Variants in IL1RAPL1 observed in about 807,000 individuals in gnomAD.
IL1RAPL1 encodes interleukin 1 receptor accessory protein like 1.
Under a neutral mutation model 48.4 loss-of-function variants are expected in IL1RAPL1, and 3 were observed. The ratio of observed to expected loss-of-function variants is 0.06; its 90% confidence interval spans 0.03 to 0.16. The LOEUF is 0.16. IL1RAPL1 is among the 10% of genes least tolerant of loss of function. IL1RAPL1 has a pLI of 1.00. For synonymous variants in IL1RAPL1, 185 were observed against 187.7 expected (o/e 0.99, Z 0.12); for missense variants, 349 against 530.6 (o/e 0.66, Z 3.36).
At chrX:29,928,383 A>G (rs182963137) in intron 8 of IL1RAPL1, among the ~76,000 whole-genome samples, 1 of 110,194 alleles carries the variant, frequency 9.1e-6, no homozygotes, top group African/African-American at 3.2e-5. Context: ...CCACCTACCA[A>G]CAACCAACCC....
intron 2 of IL1RAPL1, among the ~76,000 whole-genome samples, chrX:29,221,622 C>CAT (rs1367868442): frequency 0.023 from 142 of 6,061 alleles, no homozygotes; most frequent in African/African-American, 0.069. Flanking sequence ...CACACACATA[C>CAT]ACACACACAC....
intron 6 of IL1RAPL1, among the ~76,000 whole-genome samples, chrX:29,803,348 T>G (rs1255684016): frequency 1.2e-5 from 1 of 81,248 alleles, no homozygotes; most frequent in Admixed American, 1.4e-4. Context: ...TATGTATATA[T>G]GTATACATGT....
intron 2 of IL1RAPL1, among the ~76,000 whole-genome samples, chrX:29,013,268 A>C (rs751415581): frequency 9.0e-6 from 1 of 111,711 alleles, no homozygotes; most frequent in African/African-American, 3.2e-5. Context: ...CTGTTGGTGA[A>C]AGTGTAAATT....
intron 3 of IL1RAPL1, among the ~76,000 whole-genome samples, chrX:29,296,139 G>T (rs781737085): frequency 1.8e-5 from 2 of 112,015 alleles, no homozygotes; most frequent in African/African-American, 3.2e-5. Context: ...GGGAGCTGTG[G>T]TGCATAAATT....
intron 2 of IL1RAPL1, among the ~76,000 whole-genome samples, chrX:29,114,779 G>A (rs1928643963): frequency 9.1e-6 from 1 of 110,062 alleles, no homozygotes; most frequent in African/African-American, 3.3e-5. Context: ...ACAGGCATCT[G>A]CCACCACACC....
At chrX:28,665,038 G>A (rs1272681294) in intron 1 of IL1RAPL1, among the ~76,000 whole-genome samples, 2 of 111,957 alleles carry the variant, frequency 1.8e-5, no homozygotes, top group Admixed American at 1.9e-4. Flanking sequence ...AATGTCCATT[G>A]AACTGGACAT....
chrX:29,103,565 A>C (rs1051081556), intron 2 of IL1RAPL1, among the ~76,000 whole-genome samples: 4 of 108,410 alleles, frequency 3.7e-5, no homozygotes, highest in Non-Finnish European at 7.5e-5. Context: ...GACTGGGCAA[A>C]GATTTTTAGA....
intron 2 of IL1RAPL1, among the ~76,000 whole-genome samples, chrX:29,216,868 C>G (rs1930878921): frequency 9.0e-6 from 1 of 111,677 alleles, no homozygotes; most frequent in East Asian, 2.8e-4. Flanking sequence ...TCCTCTGCCT[C>G]AAGTATTACG....
chrX:29,709,243 A>G (rs1159527592), intron 6 of IL1RAPL1, among the ~76,000 whole-genome samples: 3 of 111,429 alleles, frequency 2.7e-5, no homozygotes, highest in Admixed American at 1.9e-4. Context: ...TTTTTCCCCT[A>G]TGTTTTCTGC....
chrX:29,917,617 C>A (rs763691271), intron 7 of IL1RAPL1, 21 bp downstream of exon 7: 2 of 1,174,425 alleles, frequency 1.7e-6, no homozygotes, highest in Non-Finnish European at 2.3e-6. Context: ...TTCCTTTTAA[C>A]CTGTATAGTC....
intron 6 of IL1RAPL1, among the ~76,000 whole-genome samples, chrX:29,704,426 T>G (rs1380457081): frequency 9.0e-6 from 1 of 111,488 alleles, no homozygotes; most frequent in Non-Finnish European, 1.9e-5. Context: ...CCCAGCACTT[T>G]GGGAGGCTGA....
intron 6 of IL1RAPL1, among the ~76,000 whole-genome samples, chrX:29,697,610 GTTCTATATATAC>G (rs1926947334): frequency 8.9e-6 from 1 of 111,786 alleles, no homozygotes; most frequent in African/African-American, 3.3e-5. Flanking sequence ...ATTCAGAAAT[GTTCTATATATAC>G]TCCAGACATT....
intron 5 of IL1RAPL1, among the ~76,000 whole-genome samples, chrX:29,559,389 A>T (rs1348514570): frequency 8.9e-6 from 1 of 112,056 alleles, no homozygotes; most frequent in Non-Finnish European, 1.9e-5. Flanking sequence ...GTTAACATTA[A>T]CAAAAAATTG....
intron 5 of IL1RAPL1, among the ~76,000 whole-genome samples, chrX:29,635,870 T>G (rs752832738): frequency 4.3e-4 from 48 of 110,791 alleles, no homozygotes; most frequent in Non-Finnish European, 7.6e-4. Flanking sequence ...ATTTCTTTGA[T>G]TGATATGCCC....
intron 3 of IL1RAPL1, among the ~76,000 whole-genome samples, chrX:29,346,495 C>CA (rs1437239977): frequency 8.9e-6 from 1 of 111,880 alleles, no homozygotes; most frequent in Admixed American, 9.5e-5. Context: ...GCTAAGCAGG[C>CA]ACCATAAAAT....
intron 6 of IL1RAPL1, among the ~76,000 whole-genome samples, chrX:29,727,328 T>C (rs767996098): frequency 8.9e-6 from 1 of 112,098 alleles, no homozygotes; most frequent in Non-Finnish European, 1.9e-5. Context: ...GCCAGATGCT[T>C]CAAATGGTCA....
chrX:29,096,080 AT>A (rs1326256164), intron 2 of IL1RAPL1, among the ~76,000 whole-genome samples: 1 of 111,381 alleles, frequency 9.0e-6, no homozygotes, highest in East Asian at 2.8e-4. Flanking sequence ...CCCCATGAAC[AT>A]TTTTAGGACT....
At position 29,342,696 on chromosome X, in the gene IL1RAPL1, C is replaced by G. The variant is rs780998118; in HGVS notation, c.363-53562C>G. Among the ~76,000 whole-genome samples the G allele has an allele frequency of 1.1e-4, 12 of 112,086 alleles. No individual in the cohort carries two copies. In the East Asian group the frequency reaches 3.4e-3, roughly 31 times the overall value. ...TATGAAGTATCACTTGGTTGCTTTT[C>G]TAATTATTTATCAGTTTTTAAATTG... On this transcript the variant is annotated intron_variant, in intron 3 of 10. Transcript: ENST00000378993.
intron 3 of IL1RAPL1, among the ~76,000 whole-genome samples, chrX:29,372,374 T>C (rs1310876200): frequency 1.8e-5 from 2 of 112,140 alleles, no homozygotes; most frequent in East Asian, 2.8e-4. Flanking sequence ...AGGTTGCCTG[T>C]TCACTCTGTT....
Sources: gnomAD v4.1 joint callset for allele counts (sites outside exome capture counted in the v4.1 genomes callset) on GRCh38, gnomAD v4.1.1 for gene constraint, MANE v1.5 for transcripts, NCBI Gene and HGNC (gene_info 2026-07-23, HGNC 2026-07-21) for gene names.